Variants in FAM222A observed in about 807,000 individuals in gnomAD.
FAM222A encodes protein FAM222A.
Under a neutral mutation model 25.8 loss-of-function variants are expected in FAM222A, and 7 were observed. The observed-to-expected ratio is 0.27, with a 90% CI of 0.15 to 0.51. The LOEUF (loss-of-function observed/expected upper bound fraction) is 0.51. Among genes scored for constraint, FAM222A ranks in the 20% least tolerant of loss-of-function variants. The pLI, the probability that FAM222A is intolerant of heterozygous loss-of-function variation, is 0.97. For synonymous variants in FAM222A, 294 were observed against 298.8 expected, an observed-to-expected ratio of 0.98 and a Z score of 0.17; for missense variants, 573 against 640.5, an observed-to-expected ratio of 0.89 and a Z score of 1.14.
At chr12:109,720,520 G>A (rs1592776523) in intron 1 of FAM222A, among the ~76,000 whole-genome samples, 1 of 152,226 alleles carries the variant, frequency 6.6e-6, no homozygotes, top group Non-Finnish European at 1.5e-5. Flanking sequence ...CCTGCCCCTC[G>A]GCATCTGCAG....
At chr12:109,767,062 C>CT (rs757766627) in intron 2 of FAM222A, among the ~76,000 whole-genome samples, 37,100 of 93,142 alleles carry the variant, frequency 0.4, 8,242 homozygotes, top group East Asian at 0.7. Context: ...TGCTTGGCTT[C>CT]TTTTTTTTTT....
chr12:109,739,110 AGAG>A (rs1345180861), intron 1 of FAM222A, among the ~76,000 whole-genome samples: 1 of 152,222 alleles, frequency 6.6e-6, no homozygotes, highest in Non-Finnish European at 1.5e-5. Context: ...GATTGGAGGT[AGAG>A]GAGGAGATGG....
At chr12:109,747,260 A>G (rs1483836311) in intron 2 of FAM222A, among the ~76,000 whole-genome samples, 1 of 152,062 alleles carries the variant, frequency 6.6e-6, no homozygotes, top group Admixed American at 6.5e-5. Context: ...CACCTGGCTA[A>G]TTTTTATATG....
chr12:109,746,276 G>A (rs542705784), intron 2 of FAM222A, among the ~76,000 whole-genome samples: 1 of 152,274 alleles, frequency 6.6e-6, no homozygotes, highest in South Asian at 2.1e-4. Flanking sequence ...ATCACGTGAG[G>A]TCAGGAGTTT....
At chr12:109,756,337 A>G (rs760612532) in intron 2 of FAM222A, among the ~76,000 whole-genome samples, 4 of 150,522 alleles carry the variant, frequency 2.7e-5, no homozygotes, top group Non-Finnish European at 5.9e-5. Context: ...TATCCTGTAT[A>G]CAAGATAATG....
chr12:109,723,524 G>C (rs1887786945), intron 1 of FAM222A, among the ~76,000 whole-genome samples: 2 of 151,612 alleles, frequency 1.3e-5, no homozygotes, highest in Non-Finnish European at 2.9e-5. Context: ...GTCCCTGGCA[G>C]GGCCAGACTG....
chr12:109,767,342 A>G (rs1369446485), intron 2 of FAM222A, among the ~76,000 whole-genome samples: 3 of 151,970 alleles, frequency 2.0e-5, no homozygotes, highest in Non-Finnish European at 4.4e-5. Flanking sequence ...GGCCTGGCCA[A>G]CGTGGCGCAA....
chr12:109,726,638 G>C (rs1220559135), intron 1 of FAM222A, among the ~76,000 whole-genome samples: 1 of 152,210 alleles, frequency 6.6e-6, no homozygotes, highest in South Asian at 2.1e-4. Flanking sequence ...GGAGCAGCAG[G>C]GGGGCTCAGG....
rs977138488 is a variant in FAM222A, at chr12:109,726,241, C to A, written c.-47+11344C>A. ...AGAATAGCTCATCAGGTTTATGGTC[C>A]ACCTCCTGCATGCCAAGCATGGGGC... On this transcript the variant is annotated intron_variant, in intron 1 of 2. Transcript: ENST00000538780. Among the ~76,000 whole-genome samples, 4 of 152,162 alleles carry A rather than the reference C, an allele frequency of 2.6e-5. No homozygotes were observed. In the East Asian group the frequency reaches 7.7e-4, roughly 29 times the overall value.
intron 1 of FAM222A, among the ~76,000 whole-genome samples, chr12:109,723,002 T>TGGGGGGGGGG (rs141202990): frequency 3.2e-5 from 2 of 61,896 alleles, no homozygotes; most frequent in Non-Finnish European, 4.8e-5. Flanking sequence ...AGGGAGCGGG[T>TGGGGGGGGGG]GGGGGGGGGA....
At chr12:109,738,763 T>C (rs7968176) in intron 1 of FAM222A, among the ~76,000 whole-genome samples, 30,076 of 152,216 alleles carry the variant, frequency 0.2, 3,482 homozygotes, top group East Asian at 0.29. Context: ...CCACACCTTG[T>C]ACACAGCTGG....
chr12:109,733,522 G>GC (rs1888000415), intron 1 of FAM222A, among the ~76,000 whole-genome samples: 1 of 151,920 alleles, frequency 6.6e-6, no homozygotes, highest in African/African-American at 2.4e-5. Context: ...TCCTGCCTCA[G>GC]CCTCCTGAGT....
At chr12:109,736,276 C>T (rs1888082933) in intron 1 of FAM222A, among the ~76,000 whole-genome samples, 1 of 152,172 alleles carries the variant, frequency 6.6e-6, no homozygotes, top group Non-Finnish European at 1.5e-5. Flanking sequence ...CCTTCCCTTC[C>T]CCTAGCTTTT....
chr12:109,737,880 G>A (rs1010732944), intron 1 of FAM222A, among the ~76,000 whole-genome samples: 3 of 152,168 alleles, frequency 2.0e-5, no homozygotes, highest in African/African-American at 7.2e-5. Flanking sequence ...AAGGCCTCCG[G>A]CTCAGAACAG....
intron 1 of FAM222A, among the ~76,000 whole-genome samples, chr12:109,731,816 G>A (rs1003739601): frequency 8.5e-5 from 13 of 152,292 alleles, no homozygotes; most frequent in African/African-American, 3.1e-4. Context: ...TGAAAAGAGC[G>A]GGGAGAGACC....
Position 109,768,519 on chromosome 12 carries a change from C to T in FAM222A, c.590C>T (p.Pro197Leu), listed in dbSNP as rs748979671. The part of the protein sequence containing the change: ...RGLPLPPSNL[P>L]SIHSLLYQLN... Reference sequence around the variant, plus strand: ...CTGCCCCTGCCACCTTCCAACCTGCCCTCCATCCACAGCCTCCTGTACCAG... The same window carrying T: ...CTGCCCCTGCCACCTTCCAACCTGCTCTCCATCCACAGCCTCCTGTACCAG... Residue 197 changes from proline (P) to leucine (L), a missense_variant, in exon 3 of 3, where the codon CCC (proline) becomes CTC (leucine). Pro to Leu is a moderately conservative substitution (Grantham distance 98, BLOSUM62 -3). Around this residue, in one of 3 missense-constraint regions of FAM222A, gnomAD observed 412 missense variants for 407.0 expected, o/e 1.01. Transcript: ENST00000538780. 3.1e-6 allele frequency: 5 copies of T among 1,606,480 alleles called. No individual in the cohort carries two copies. The East Asian group carries it at 1.1e-4, about 36-fold the overall frequency.
At position 109,744,769 on chromosome 12, in the gene FAM222A, T is replaced by G. The variant is rs1411526158; in HGVS notation, c.82+541T>G. ...ATTTTTAGCTATCATAATTTCTTTT[T>G]TAATGAAGTACTTAGAAACGGAGAT... On this transcript the variant is annotated intron_variant, in intron 2 of 2. Transcript: ENST00000538780. 6 of 985,184 alleles carry G rather than the reference T, an allele frequency of 6.1e-6. No individual in the cohort carries two copies. In the South Asian group the frequency reaches 2.8e-4, roughly 46 times the overall value. The allele number at this position is 985,184 out of a possible 1,614,324, so 61.0% of individuals were successfully genotyped here. A position where few individuals can be genotyped will look rare whatever the true frequency, so the allele number is the denominator to read the frequency against.
intron 1 of FAM222A, among the ~76,000 whole-genome samples, chr12:109,721,771 G>A (rs868505507): frequency 7.2e-5 from 11 of 152,144 alleles, no homozygotes; most frequent in African/African-American, 2.4e-4. Context: ...TGCAGATTCC[G>A]AGCACTGACA....
At chr12:109,716,415 T>A (rs1398733617) in intron 1 of FAM222A, among the ~76,000 whole-genome samples, 1 of 152,200 alleles carries the variant, frequency 6.6e-6, no homozygotes, top group African/African-American at 2.4e-5. Context: ...CAGGCCCCAG[T>A]CTATGCAGCG....
Sources: gnomAD v4.1 joint callset for allele counts (sites outside exome capture counted in the v4.1 genomes callset) on GRCh38, gnomAD v4.1.1 for gene constraint, gnomAD v4.1.1 regional missense constraint, MANE v1.5 for transcripts, NCBI Gene and HGNC (gene_info 2026-07-23, HGNC 2026-07-21) for gene names.